The following GMDS variants were observed in gnomAD, a reference collection of about 807,000 sequenced individuals.
GMDS encodes the protein GDP-mannose 4,6-dehydratase, also known as GDP-mannose 4,6 dehydratase.
In GMDS, 20 loss-of-function variants were observed where a neutral mutation model predicts 49.9. The observed-to-expected ratio is 0.40, with a 90% CI of 0.28 to 0.58. The LOEUF (loss-of-function observed/expected upper bound fraction) is 0.58. GMDS is among the 20% of genes least tolerant of loss of function. The pLI is 0.42. For missense variants in GMDS, 362 were observed against 481.4 expected (o/e 0.75, Z 2.32); for synonymous variants, 177 against 178.6 (o/e 0.99, Z 0.07).
At chr6:2,205,571 C>G (rs896357665) in intron 1 of GMDS, among the ~76,000 whole-genome samples, 1 of 152,176 alleles carries the variant, frequency 6.6e-6, no homozygotes, top group South Asian at 2.1e-4. Flanking sequence ...CATTTGTTTC[C>G]GATTCCAATT....
In GMDS at chr6:2,062,037, T is replaced by A. The variant is rs1166534966; in HGVS notation, c.345+53734A>T. Among the ~76,000 whole-genome samples, 4 of 152,298 alleles carry A rather than the reference T, an allele frequency of 2.6e-5. No individual in the cohort carries two copies. The East Asian group carries it at 7.7e-4, about 29-fold the overall frequency. ...CTACAAGTTCGGCAGCTGAATAAAA[T>A]TGAGAACTATATGTTAATCATTCAC... On this transcript the variant is annotated intron_variant, in intron 4 of 10. Transcript: ENST00000380815.
chr6:1,747,285 C>A (rs975110256), intron 7 of GMDS, among the ~76,000 whole-genome samples: 1 of 152,118 alleles, frequency 6.6e-6, no homozygotes, highest in Non-Finnish European at 1.5e-5. Flanking sequence ...GCTTCCACCT[C>A]GACGTTAACC....
intron 4 of GMDS, among the ~76,000 whole-genome samples, chr6:2,099,925 T>C (rs1773828416): frequency 6.6e-6 from 1 of 152,078 alleles, no homozygotes; most frequent in Non-Finnish European, 1.5e-5. Flanking sequence ...GTAATTTATA[T>C]TGATAAGCAC....
chr6:1,779,863 A>G (rs1201110926), intron 7 of GMDS, among the ~76,000 whole-genome samples: 1 of 152,230 alleles, frequency 6.6e-6, no homozygotes, highest in African/African-American at 2.4e-5. Flanking sequence ...TGACTGTCAT[A>G]TCAGGCATAT....
At chr6:2,237,715 T>G (rs1781428896) in intron 1 of GMDS, among the ~76,000 whole-genome samples, 1 of 151,634 alleles carries the variant, frequency 6.6e-6, no homozygotes, top group Non-Finnish European at 1.5e-5. Context: ...AGAGATGGGG[T>G]TTCTCCACGT....
chr6:1,956,495 A>G (rs1239980984), intron 6 of GMDS, among the ~76,000 whole-genome samples: 1 of 152,146 alleles, frequency 6.6e-6, no homozygotes, highest in Non-Finnish European at 1.5e-5. Flanking sequence ...TGACAATTAC[A>G]CTTTGTTAGA....
chr6:1,711,609 GA>G (rs1765968098), intron 9 of GMDS, among the ~76,000 whole-genome samples: 3 of 152,180 alleles, frequency 2.0e-5, no homozygotes, highest in Admixed American at 2.0e-4. Flanking sequence ...TGTGGCCTGT[GA>G]TTTTGGAGAT....
At chr6:1,964,967 C>T (rs1156764454) in intron 4 of GMDS, among the ~76,000 whole-genome samples, 1 of 151,886 alleles carries the variant, frequency 6.6e-6, no homozygotes, top group Non-Finnish European at 1.5e-5. Flanking sequence ...TGATGGTTTC[C>T]AGCTTCATCC....
In GMDS at chr6:1,778,348, T is replaced by C. The variant is rs115618500; in HGVS notation, c.772-35762A>G. Reference sequence around the variant, plus strand: ...TTGCCTGTTTAGGATAATGGAATACTGATTGAAGTCAATTATTATAACACC... The same window carrying C: ...TTGCCTGTTTAGGATAATGGAATACCGATTGAAGTCAATTATTATAACACC... On this transcript the variant is annotated intron_variant, in intron 7 of 10. Coordinates refer to ENST00000380815, the MANE Select transcript of GMDS (RefSeq NM_001500.4). This position sits in a 1 kb window ranked among gnomAD's most constrained non-coding sequence, Gnocchi z 4.6. Among the ~76,000 whole-genome samples, 903 of 152,288 alleles carry C rather than the reference T, an allele frequency of 5.9e-3. 10 individuals carry two copies. Among genetic ancestry groups the C allele is most frequent in the African/African-American group, 0.021 (858 of 41,546 alleles).
At chr6:1,957,165 G>A (rs966642068) in intron 6 of GMDS, among the ~76,000 whole-genome samples, 3 of 152,012 alleles carry the variant, frequency 2.0e-5, no homozygotes, top group African/African-American at 7.2e-5. Flanking sequence ...TATAAATATC[G>A]ATATAATTTC....
At chr6:1,705,309 G>C (rs904659877) in intron 9 of GMDS, among the ~76,000 whole-genome samples, 6 of 152,294 alleles carry the variant, frequency 3.9e-5, no homozygotes, top group African/African-American at 1.4e-4. Context: ...CAAGGTGATG[G>C]GCACAAAACA....
intron 4 of GMDS, among the ~76,000 whole-genome samples, chr6:2,105,226 C>T (rs951576627): frequency 1.4e-5 from 2 of 138,522 alleles, no homozygotes; most frequent in Non-Finnish European, 3.2e-5. Context: ...TAAACCAAAA[C>T]ACTTTCCTAA....
At chr6:2,244,046 G>A (rs1322177561) in intron 1 of GMDS, among the ~76,000 whole-genome samples, 1 of 151,296 alleles carries the variant, frequency 6.6e-6, no homozygotes, top group Non-Finnish European at 1.5e-5. Flanking sequence ...AAATTTTTTT[G>A]TAGAGACAAC....
chr6:2,119,880 T>G (rs908542294), intron 2 of GMDS, among the ~76,000 whole-genome samples: 3 of 152,142 alleles, frequency 2.0e-5, no homozygotes, highest in Non-Finnish European at 4.4e-5. Flanking sequence ...AATGGAAAAT[T>G]TCAAGTTCTT....
chr6:1,980,542 T>G (rs1027273285), intron 4 of GMDS, among the ~76,000 whole-genome samples: 6 of 151,902 alleles, frequency 3.9e-5, no homozygotes, highest in Non-Finnish European at 7.4e-5. Flanking sequence ...CACTGCCAAG[T>G]TCATAAAGCA....
At chr6:1,695,918 TTTTTC>T (rs1208935931) in intron 9 of GMDS, among the ~76,000 whole-genome samples, 4 of 148,226 alleles carry the variant, frequency 2.7e-5, no homozygotes, top group African/African-American at 2.5e-5. Context: ...TTTTTTTTTT[TTTTTC>T]TTTTTTTTTT....
At chr6:2,240,438 G>A (rs567387933) in intron 1 of GMDS, among the ~76,000 whole-genome samples, 2 of 152,006 alleles carry the variant, frequency 1.3e-5, no homozygotes, top group Admixed American at 6.6e-5. Flanking sequence ...CTTACCCAAA[G>A]CCAGTGCAGT....
chr6:2,079,708 C>T (rs1178167542), intron 4 of GMDS, among the ~76,000 whole-genome samples: 1 of 152,054 alleles, frequency 6.6e-6, no homozygotes, highest in East Asian at 1.9e-4. Context: ...ACTGACTAGG[C>T]ACTTTTCTCT....
chr6:2,192,467 C>T (rs1385681667), intron 1 of GMDS, among the ~76,000 whole-genome samples: 1 of 152,224 alleles, frequency 6.6e-6, no homozygotes, highest in South Asian at 2.1e-4. Context: ...ATGCTCCTCA[C>T]TCATCAAATT....
Sources: allele counts gnomAD v4.1 joint callset (sites outside exome capture counted in the v4.1 genomes callset), GRCh38; gene constraint gnomAD v4.1.1; non-coding constraint Gnocchi (gnomAD v3.1); transcripts MANE v1.5; gene names NCBI Gene and HGNC (gene_info 2026-07-23, HGNC 2026-07-21).